Variants in PABPC4L observed in about 807,000 individuals in gnomAD.
PABPC4L encodes the protein polyadenylate-binding protein 4-like.
For synonymous variants in PABPC4L, 169 were observed against 164.1 expected (o/e 1.03, Z -0.23); for missense variants, 452 against 451.4 (o/e 1.00, Z -0.01).
the PABPC4L span, among the ~76,000 whole-genome samples, chr4:134,125,930 T>C: frequency 6.6e-6 from 1 of 152,094 alleles, no homozygotes; most frequent in Admixed American, 6.6e-5. Flanking sequence ...GCACATTGGG[T>C]TAAACACACA....
chr4:134,123,985 T>A, the PABPC4L span, among the ~76,000 whole-genome samples: 3 of 152,072 alleles, frequency 2.0e-5, no homozygotes, highest in Non-Finnish European at 4.4e-5. Context: ...TCAAAAGTAC[T>A]TACAAGGTTT....
the PABPC4L span, among the ~76,000 whole-genome samples, chr4:133,956,473 A>G: frequency 6.6e-6 from 1 of 152,084 alleles, no homozygotes; most frequent in Admixed American, 6.5e-5. Flanking sequence ...AGGATTCAGG[A>G]CAAGTTACCC....
At chr4:133,969,458 A>G in the PABPC4L span, among the ~76,000 whole-genome samples, 1 of 152,186 alleles carries the variant, frequency 6.6e-6, no homozygotes, top group African/African-American at 2.4e-5. Context: ...TTCATCTCCC[A>G]GTCACTAACT....
chr4:134,144,577 G>C, the PABPC4L span, among the ~76,000 whole-genome samples: 1 of 107,064 alleles, frequency 9.3e-6, no homozygotes, highest in African/African-American at 5.0e-5. Flanking sequence ...TGCCTACCAG[G>C]TTAAAAAAAA....
chr4:134,043,896 G>GTA, the PABPC4L span, among the ~76,000 whole-genome samples: 6 of 147,234 alleles, frequency 4.1e-5, no homozygotes, highest in East Asian at 2.0e-4. Context: ...CATATATGCT[G>GTA]TATATATATG....
Position 134,200,614 on chromosome 4 carries a change from A to T in PABPC4L, c.406T>A (p.Ser136Thr), listed in dbSNP as rs910386539. The change falls in exon 2 of 2, where the codon TCC (serine) becomes ACC (threonine). Residue 136 changes from serine to threonine, a missense_variant. Transcript: ENST00000421491. ...SSKVMSDDQG[S>T]KGYAFVHFQN... ...AAGTGCACAAATGCATAGCCCTTGG[A>T]GCCTTGATCATCACTCATCACCTTG... The T allele has an allele frequency of 1.9e-6, 3 of 1,551,512 alleles. No individual in the cohort carries two copies. Among genetic ancestry groups the T allele is most frequent in the African/African-American group, 2.7e-5 (2 of 73,024 alleles).
At chr4:134,054,244 TTGTATATGTA>T in the PABPC4L span, among the ~76,000 whole-genome samples, 1 of 92,876 alleles carries the variant, frequency 1.1e-5, no homozygotes, top group Non-Finnish European at 2.1e-5. Flanking sequence ...ACTACTTTAG[TTGTATATGTA>T]TATATATATA....
the PABPC4L span, among the ~76,000 whole-genome samples, chr4:133,999,794 C>T: frequency 6.6e-6 from 1 of 151,724 alleles, no homozygotes. Context: ...ATTTTCAGTT[C>T]CTTTGTTGAG....
At chr4:134,074,861 G>A in the PABPC4L span, among the ~76,000 whole-genome samples, 574 of 152,162 alleles carry the variant, frequency 3.8e-3, 6 homozygotes, top group African/African-American at 0.013. Flanking sequence ...AGGGTAACTG[G>A]CCCCATGATT....
chr4:134,166,351 T>A, the PABPC4L span, among the ~76,000 whole-genome samples: 8 of 152,226 alleles, frequency 5.3e-5, no homozygotes, highest in East Asian at 1.9e-4. Flanking sequence ...AATAAATCAA[T>A]ACCATAGAAA....
chr4:134,086,894 T>C, the PABPC4L span, among the ~76,000 whole-genome samples: 1 of 152,010 alleles, frequency 6.6e-6, no homozygotes, highest in Non-Finnish European at 1.5e-5. Flanking sequence ...GCTGGTGCGC[T>C]GCACCCACTA....
the PABPC4L span, among the ~76,000 whole-genome samples, chr4:134,044,755 G>A: frequency 6.6e-6 from 1 of 152,120 alleles, no homozygotes; most frequent in Admixed American, 6.6e-5. Flanking sequence ...TTCAACATAT[G>A]TTAATATTGC....
the PABPC4L span, among the ~76,000 whole-genome samples, chr4:133,949,676 T>C: frequency 6.6e-6 from 1 of 152,156 alleles, no homozygotes; most frequent in Non-Finnish European, 1.5e-5. Context: ...GGAGCACTTG[T>C]TAGGGACCTT....
chr4:134,048,838 C>A, the PABPC4L span, among the ~76,000 whole-genome samples: 2 of 151,986 alleles, frequency 1.3e-5, no homozygotes, highest in African/African-American at 4.8e-5. Flanking sequence ...TTGCACAGGG[C>A]AAGACAGGCT....
At chr4:134,005,612 C>G in the PABPC4L span, among the ~76,000 whole-genome samples, 2 of 151,868 alleles carry the variant, frequency 1.3e-5, no homozygotes, top group African/African-American at 4.8e-5. Flanking sequence ...CATTCATTCA[C>G]TCACTCATTT....
the PABPC4L span, among the ~76,000 whole-genome samples, chr4:134,150,298 G>T: frequency 6.6e-6 from 1 of 151,948 alleles, no homozygotes; most frequent in East Asian, 1.9e-4. Flanking sequence ...TGGCCAGGCT[G>T]GTCTCAAACT....
the PABPC4L span, among the ~76,000 whole-genome samples, chr4:134,077,917 G>A: frequency 6.6e-6 from 1 of 151,874 alleles, no homozygotes; most frequent in Non-Finnish European, 1.5e-5. Context: ...TAGAACATCA[G>A]CACCTAGGCA....
the PABPC4L span, among the ~76,000 whole-genome samples, chr4:134,072,069 C>A: frequency 6.6e-6 from 1 of 151,712 alleles, no homozygotes; most frequent in Non-Finnish European, 1.5e-5. Context: ...CTAGGGCCTG[C>A]AAAATTAGGA....
the PABPC4L span, among the ~76,000 whole-genome samples, chr4:134,140,327 G>A: frequency 2.6e-5 from 4 of 151,716 alleles, no homozygotes; most frequent in Non-Finnish European, 5.9e-5. Context: ...AAAACATCAT[G>A]ATGTATACCT....
Sources: gnomAD v4.1 joint callset for allele counts (sites outside exome capture counted in the v4.1 genomes callset) on GRCh38, gnomAD v4.1.1 for gene constraint, MANE v1.5 for transcripts, NCBI Gene and HGNC (gene_info 2026-07-23, HGNC 2026-07-21) for gene names.